The following PHACTR1 variants were observed in gnomAD, a reference collection of about 807,000 sequenced individuals.
PHACTR1 encodes RPEL repeat containing 1.
A neutral mutation model predicts 69.2 loss-of-function variants in PHACTR1; 16 were observed. The ratio of observed to expected loss-of-function variants is 0.23; its 90% CI spans 0.16 to 0.35. The LOEUF (loss-of-function observed/expected upper bound fraction) is 0.35. PHACTR1 is among the 10% of genes least tolerant of loss of function. The pLI is 1.00. For missense variants in PHACTR1, 510 were observed against 734.7 expected (o/e 0.69, Z 3.54); for synonymous variants, 312 against 284.5 (o/e 1.10, Z -0.97).
rs182620826 is a variant in PHACTR1, at chr6:12,809,712, G to A, written c.250+59922G>A. On this transcript the variant is annotated intron_variant, in intron 4 of 14. Transcript: ENST00000332995. ...CACAGGTGTCTTACTTAGAGAAAAA[G>A]GATGATGCTTTAAGTAAGCTCTATA... Among the ~76,000 whole-genome samples, 634 of 152,258 alleles carry A rather than the reference G, an allele frequency of 4.2e-3. 5 individuals are homozygous for A. Among genetic ancestry groups the A allele is most frequent in the African/African-American group, 0.015 (612 of 41,550 alleles).
At chr6:13,276,912 G>A (rs960571316) in intron 11 of PHACTR1, among the ~76,000 whole-genome samples, 6 of 152,216 alleles carry the variant, frequency 3.9e-5, no homozygotes, top group African/African-American at 1.4e-4. Context: ...TTCAACAACT[G>A]TGATTTTCAA....
intron 11 of PHACTR1, chr6:13,276,018 C>T (rs943240471): frequency 6.6e-6 from 1 of 151,820 alleles, no homozygotes; most frequent in African/African-American, 2.4e-5. Context: ...TCCCTACTTC[C>T]GGGTGTTGCT....
At chr6:12,824,203 A>G (rs888632625) in intron 4 of PHACTR1, among the ~76,000 whole-genome samples, 1 of 152,198 alleles carries the variant, frequency 6.6e-6, no homozygotes, top group African/African-American at 2.4e-5. Flanking sequence ...CATGCTCCTA[A>G]TGAGAATCTA....
intron 5 of PHACTR1, among the ~76,000 whole-genome samples, chr6:13,155,243 T>C (rs998270077): frequency 6.6e-6 from 1 of 152,200 alleles, no homozygotes; most frequent in African/African-American, 2.4e-5. Context: ...AATGTTACCA[T>C]GCTTCGGTTG....
intron 4 of PHACTR1, among the ~76,000 whole-genome samples, chr6:12,968,998 T>C (rs556534126): frequency 5.4e-4 from 82 of 152,318 alleles, no homozygotes; most frequent in African/African-American, 1.9e-3. Flanking sequence ...GCTCAAGATA[T>C]TACATTTCTA....
intron 4 of PHACTR1, among the ~76,000 whole-genome samples, chr6:12,895,816 G>T (rs1784615545): frequency 6.6e-6 from 1 of 152,200 alleles, no homozygotes; most frequent in African/African-American, 2.4e-5. Context: ...TGCCTTCATT[G>T]GTCTGGGTAG....
intron 4 of PHACTR1, among the ~76,000 whole-genome samples, chr6:13,023,343 T>A (rs1801251608): frequency 6.6e-6 from 1 of 152,208 alleles, no homozygotes; most frequent in Admixed American, 6.5e-5. Context: ...GGGATGACTT[T>A]TCTAATCCCC....
Position 12,943,547 on chromosome 6 carries a change from G to T in PHACTR1, c.251-109818G>T, listed in dbSNP as rs76438200. Among the ~76,000 whole-genome samples the T allele has an allele frequency of 5.5e-3, 845 of 152,314 alleles. 7 individuals are homozygous for T. Among genetic ancestry groups the T allele is most frequent in the African/African-American group, 0.019 (786 of 41,560 alleles). Reference sequence around the variant, plus strand: ...GTATTCTGCCACAATGGAAAGAAAAGGTTGTTATGGACCTGGGATAGTATG... The same window carrying T: ...GTATTCTGCCACAATGGAAAGAAAATGTTGTTATGGACCTGGGATAGTATG... On this transcript the variant is annotated intron_variant, in intron 4 of 14. Coordinates refer to ENST00000332995, the MANE Select transcript of PHACTR1 (RefSeq NM_030948.6).
chr6:13,281,856 TGTC>T (rs1780327556), intron 12 of PHACTR1, among the ~76,000 whole-genome samples: 1 of 152,184 alleles, frequency 6.6e-6, no homozygotes, highest in Non-Finnish European at 1.5e-5. Context: ...GCCAGAATGT[TGTC>T]GTGCCTAAGA....
chr6:13,055,191 G>A (rs565274824), intron 5 of PHACTR1, among the ~76,000 whole-genome samples: 1 of 152,264 alleles, frequency 6.6e-6, no homozygotes, highest in Admixed American at 6.5e-5. Context: ...TAATTCCTGA[G>A]ATAAGAATGA....
At chr6:12,803,618 A>G (rs772098077) in intron 4 of PHACTR1, among the ~76,000 whole-genome samples, 1 of 152,250 alleles carries the variant, frequency 6.6e-6, no homozygotes, top group Non-Finnish European at 1.5e-5. Context: ...AAAGCCACAC[A>G]TATCAGGAAT....
chr6:13,165,521 C>A (rs1325868229), intron 6 of PHACTR1, among the ~76,000 whole-genome samples: 1 of 152,160 alleles, frequency 6.6e-6, no homozygotes, highest in Non-Finnish European at 1.5e-5. Context: ...CTTACCATTT[C>A]AGAGTTTACC....
At chr6:13,194,989 T>A (rs1021104177) in intron 7 of PHACTR1, among the ~76,000 whole-genome samples, 31 of 152,096 alleles carry the variant, frequency 2.0e-4, no homozygotes, top group Admixed American at 4.6e-4. Context: ...TTTGGGGCAT[T>A]TCACAAAAAT....
chr6:12,950,601 C>T (rs1791173694), intron 4 of PHACTR1, among the ~76,000 whole-genome samples: 1 of 152,190 alleles, frequency 6.6e-6, no homozygotes. Flanking sequence ...CTGGAGAGCT[C>T]ATTTAATTTC....
intron 5 of PHACTR1, among the ~76,000 whole-genome samples, chr6:13,106,808 C>T (rs2127884816): frequency 6.6e-6 from 1 of 152,040 alleles, no homozygotes; most frequent in South Asian, 2.1e-4. Flanking sequence ...GATTTTTCTC[C>T]TTTTTTCTAT....
chr6:13,262,252 T>A (rs1276143395), intron 10 of PHACTR1, among the ~76,000 whole-genome samples: 1 of 152,096 alleles, frequency 6.6e-6, no homozygotes, highest in Non-Finnish European at 1.5e-5. Flanking sequence ...GATTCCCAGT[T>A]TCATGGCCTG....
chr6:13,213,661 G>A (rs1014733405), intron 8 of PHACTR1, among the ~76,000 whole-genome samples: 3 of 152,120 alleles, frequency 2.0e-5, no homozygotes, highest in Non-Finnish European at 2.9e-5. Flanking sequence ...CCTCATGAAC[G>A]ACATTAAGAC....
chr6:12,781,944 C>T (rs979626214), intron 4 of PHACTR1, among the ~76,000 whole-genome samples: 28 of 152,184 alleles, frequency 1.8e-4, no homozygotes, highest in African/African-American at 5.8e-4. Context: ...GTCACTCAAA[C>T]GATGGCCTAT....
intron 5 of PHACTR1, among the ~76,000 whole-genome samples, chr6:13,117,536 C>T (rs989570681): frequency 6.6e-6 from 1 of 152,174 alleles, no homozygotes; most frequent in African/African-American, 2.4e-5. Context: ...CTTAATTCAA[C>T]CAAACAAGTT....
Sources: allele counts gnomAD v4.1 joint callset (sites outside exome capture counted in the v4.1 genomes callset), GRCh38; gene constraint gnomAD v4.1.1; transcripts MANE v1.5; gene names NCBI Gene and HGNC (gene_info 2026-07-23, HGNC 2026-07-21).